Variants in ARHGAP10 observed in about 807,000 individuals in gnomAD.
ARHGAP10 encodes the protein Rho GTPase activating protein 10.
ARHGAP10 carries 87 observed loss-of-function variants against 108.6 expected under a neutral mutation model. The observed-to-expected ratio is 0.80, with a 90% CI of 0.67 to 0.96. The LOEUF (loss-of-function observed/expected upper bound fraction) is 0.96. ARHGAP10 is among the 40% of genes least tolerant of loss of function. The pLI is 0.00. For missense variants in ARHGAP10, 939 were observed against 954.5 expected, an observed-to-expected ratio of 0.98 and a Z score of 0.21; for synonymous variants, 347 against 341.1, an observed-to-expected ratio of 1.02 and a Z score of -0.19.
intron 3 of ARHGAP10, among the ~76,000 whole-genome samples, chr4:147,834,989 G>A (rs1733109056): frequency 6.6e-6 from 1 of 151,956 alleles, no homozygotes; most frequent in Non-Finnish European, 1.5e-5. Flanking sequence ...AAGATTCAGG[G>A]TACTTAGCAT....
At chr4:147,749,833 T>C (rs2126690389) in intron 1 of ARHGAP10, among the ~76,000 whole-genome samples, 1 of 152,318 alleles carries the variant, frequency 6.6e-6, no homozygotes, top group African/African-American at 2.4e-5. Flanking sequence ...TGAAATCTTT[T>C]AGAATCGACT....
intron 18 of ARHGAP10, among the ~76,000 whole-genome samples, chr4:147,970,644 A>T (rs746490811): frequency 1.3e-5 from 2 of 152,182 alleles, no homozygotes; most frequent in African/African-American, 4.8e-5. Flanking sequence ...TTAAAGCAAG[A>T]TTGCTCTAGA....
intron 1 of ARHGAP10, among the ~76,000 whole-genome samples, chr4:147,797,784 C>T (rs1401638385): frequency 6.6e-6 from 1 of 152,162 alleles, no homozygotes; most frequent in African/African-American, 2.4e-5. Context: ...CAGTCTTAAC[C>T]CTGCGAAACC....
At chr4:148,071,919 A>G in intron 22 of ARHGAP10, 74 bp from the exon 23 acceptor site, 2 of 1,320,578 alleles carry the variant, frequency 1.5e-6, no homozygotes, top group Non-Finnish European at 2.1e-6. Context: ...TCCCTGCTTG[A>G]GCTTTTAAGT....
At chr4:147,841,840 G>C (rs1733426862) in intron 3 of ARHGAP10, among the ~76,000 whole-genome samples, 1 of 150,262 alleles carries the variant, frequency 6.7e-6, no homozygotes. Flanking sequence ...TAAATGAGTT[G>C]GATATAGTGT....
intron 3 of ARHGAP10, 126 bp downstream of exon 3, chr4:147,823,083 A>T (rs1207094860): frequency 2.0e-6 from 2 of 993,660 alleles, no homozygotes; most frequent in Non-Finnish European, 2.9e-6. Flanking sequence ...ATTGTAATGG[A>T]AAGATGAGGT....
In ARHGAP10 at chr4:147,773,434, G is replaced by T. The variant is rs140213720; in HGVS notation, c.154+40979G>T. Among the ~76,000 whole-genome samples the T allele has an allele frequency of 2.6e-3, 398 of 152,242 alleles. 1 individual carries two copies. Among genetic ancestry groups the T allele is most frequent in the African/African-American group, 9.2e-3 (382 of 41,542 alleles). ...GAATGTTACCCTCCATAGCAAAGGG[G>T]CCATGGAAGGCTCTGTGTTTTAGGA... On this transcript the variant is annotated intron_variant, in intron 1 of 22. Coordinates refer to ENST00000336498, the MANE Select transcript of ARHGAP10 (RefSeq NM_024605.4).
intron 10 of ARHGAP10, among the ~76,000 whole-genome samples, chr4:147,885,947 G>C (rs551265249): frequency 6.6e-6 from 1 of 152,226 alleles, no homozygotes; most frequent in South Asian, 2.1e-4. Context: ...AAATTTTTTA[G>C]CACTGGCATA....
At chr4:148,027,523 A>ATTAG (rs1382260923) in intron 19 of ARHGAP10, among the ~76,000 whole-genome samples, 1 of 152,178 alleles carries the variant, frequency 6.6e-6, no homozygotes, top group Non-Finnish European at 1.5e-5. Context: ...AAAAATGAAA[A>ATTAG]TACTACTGTT....
At chr4:147,897,016 G>A (rs1736019968) in intron 10 of ARHGAP10, among the ~76,000 whole-genome samples, 2 of 151,832 alleles carry the variant, frequency 1.3e-5, no homozygotes, top group Non-Finnish European at 2.9e-5. Flanking sequence ...TGTGCATAAT[G>A]ACCCTTTTAT....
At chr4:147,853,023 T>A (rs1286755995) in intron 4 of ARHGAP10, among the ~76,000 whole-genome samples, 3 of 152,168 alleles carry the variant, frequency 2.0e-5, no homozygotes, top group African/African-American at 7.2e-5. Context: ...GAGCTATACA[T>A]ACATTTAAGA....
chr4:147,939,107 A>G (rs1738068953), intron 13 of ARHGAP10, among the ~76,000 whole-genome samples: 3 of 152,246 alleles, frequency 2.0e-5, no homozygotes, highest in Non-Finnish European at 4.4e-5. Flanking sequence ...TAATTGCATC[A>G]AAAATGTCTT....
chr4:147,741,707 A>C (rs1282865371), intron 1 of ARHGAP10, among the ~76,000 whole-genome samples: 2 of 152,022 alleles, frequency 1.3e-5, no homozygotes, highest in Non-Finnish European at 2.9e-5. Context: ...ACACACACAC[A>C]CAGAGAAAAA....
chr4:148,020,539 G>GTTTTTTTTTTTTTTTTT (rs151004924), intron 18 of ARHGAP10, among the ~76,000 whole-genome samples: 1 of 146,322 alleles, frequency 6.8e-6, no homozygotes, highest in Non-Finnish European at 1.5e-5. Context: ...GAGAACATGC[G>GTTTTTTTTTTTTTTTTT]TTTTTTGTTT....
intron 1 of ARHGAP10, among the ~76,000 whole-genome samples, chr4:147,735,126 A>G (rs192175092): frequency 6.6e-5 from 10 of 152,358 alleles, no homozygotes; most frequent in Admixed American, 6.5e-4. Flanking sequence ...ATTAGGTAGC[A>G]ATCTGCAAAT....
chr4:147,877,302 G>A (rs1312099098), intron 8 of ARHGAP10, among the ~76,000 whole-genome samples: 3 of 151,854 alleles, frequency 2.0e-5, no homozygotes, highest in Non-Finnish European at 2.9e-5. Context: ...ACAAATGCTG[G>A]TTCTTTAAAA....
chr4:147,940,644 T>C (rs953140009), intron 14 of ARHGAP10, among the ~76,000 whole-genome samples: 1 of 152,172 alleles, frequency 6.6e-6, no homozygotes, highest in African/African-American at 2.4e-5. Context: ...TTGCTACATA[T>C]TAATTTATTT....
Position 147,881,852 on chromosome 4 carries a change from G to C in ARHGAP10, c.954G>C (p.Val318=), listed in dbSNP as rs1172155225. Residue 318 remains valine, a synonymous_variant, in exon 10 of 23, where the codon GTG becomes GTC. Coordinates refer to ENST00000336498, the MANE Select transcript of ARHGAP10 (RefSeq NM_024605.4). ...ATTATTTGCAGGGGGACGGAGAGGT[G>C]TTCTTTTTGAAAGAATGTACCAAGA... ...RSGGKLGDGE[V]FFLKECTKRH... is the part of the protein sequence containing the mutation. 1 of 1,613,948 alleles carries C rather than the reference G, an allele frequency of 6.2e-7. No individual in the cohort carries two copies. Among genetic ancestry groups the C allele is most frequent in the Admixed American group, 1.7e-5 (1 of 59,982 alleles).
At chr4:147,990,945 G>A (rs2149635747) in intron 18 of ARHGAP10, among the ~76,000 whole-genome samples, 1 of 152,140 alleles carries the variant, frequency 6.6e-6, no homozygotes, top group Middle Eastern at 3.4e-3. Flanking sequence ...GGGACCAGGA[G>A]GTCGAGGCTG....
Sources: allele counts gnomAD v4.1 joint callset (sites outside exome capture counted in the v4.1 genomes callset), GRCh38; gene constraint gnomAD v4.1.1; transcripts MANE v1.5; gene names NCBI Gene and HGNC (gene_info 2026-07-23, HGNC 2026-07-21).